The following DSCAML1 variants were observed in gnomAD, a reference collection of about 807,000 sequenced individuals.
DSCAML1 encodes the protein cell adhesion molecule DSCAML1.
A neutral mutation model predicts 200.5 loss-of-function variants in DSCAML1; 38 were observed. The observed-to-expected ratio is 0.19, with a 90% CI of 0.15 to 0.25. The LOEUF (loss-of-function observed/expected upper bound fraction) is 0.25, where lower values mean the gene tolerates loss of function less well. Among genes scored for constraint, DSCAML1 ranks in the 10% least tolerant of loss-of-function variants. The pLI is 1.00. For missense variants in DSCAML1, 2,223 were observed against 2,858.8 expected, an observed-to-expected ratio of 0.78 and a Z score of 5.07; for synonymous variants, 1,215 against 1,165.0, an observed-to-expected ratio of 1.04 and a Z score of -0.87.
chr11:117,514,572 C>CTTT (rs532136039), intron 8 of DSCAML1, among the ~76,000 whole-genome samples: 2 of 98,292 alleles, frequency 2.0e-5, no homozygotes, highest in Admixed American at 1.2e-4. Context: ...TTTTCTTTTT[C>CTTT]TTTTTTTTTT....
Position 117,518,629 on chromosome 11 carries a change from C to T in DSCAML1, c.1347G>A (p.Val449=). The change falls in exon 7 of 33, where the codon GTG becomes GTA. Residue 449 remains valine, a synonymous_variant. Transcript: ENST00000651296. This position sits in a 1 kb window ranked among gnomAD's most constrained non-coding sequence, Gnocchi z 6.3. ...GGTTGGTGCGGTGGCTGCCATCCCG[C>T]ACGATGGGCTCATCGTCGAGGGCCC... ...VTWALDDEPI[V]RDGSHRTNQY... The T allele has an allele frequency of 1.9e-6, 3 of 1,613,516 alleles. No homozygotes were observed. Among genetic ancestry groups the T allele is most frequent in the Non-Finnish European group, 2.5e-6 (3 of 1,179,872 alleles).
At chr11:117,743,065 C>T (rs562059768) in intron 3 of DSCAML1, among the ~76,000 whole-genome samples, 4 of 151,608 alleles carry the variant, frequency 2.6e-5, no homozygotes, top group South Asian at 2.1e-4. Context: ...TCAGCAGGTA[C>T]AGAGAATCTG....
At chr11:117,471,560 G>A (rs937587053) in intron 15 of DSCAML1, among the ~76,000 whole-genome samples, 46 of 152,164 alleles carry the variant, frequency 3.0e-4, no homozygotes, top group Non-Finnish European at 5.9e-5. Flanking sequence ...TCTATGATGA[G>A]GGTCATAGAA....
At chr11:117,555,150 G>A (rs2050538354) in intron 3 of DSCAML1, among the ~76,000 whole-genome samples, 1 of 152,210 alleles carries the variant, frequency 6.6e-6, no homozygotes, top group African/African-American at 2.4e-5. Context: ...CTGGATGGGT[G>A]TGTTACCCCA....
At position 117,780,248 on chromosome 11, in the gene DSCAML1, G is replaced by GAA. The variant is rs750717030; in HGVS notation, c.364+243_364+244dup. Among the ~76,000 whole-genome samples, 2,965 of 76,418 alleles carry GAA rather than the reference G, an allele frequency of 0.039. 227 individuals are homozygous for GAA. Among genetic ancestry groups the GAA allele is most frequent in the African/African-American group, 0.11 (2,685 of 23,464 alleles). The allele number at this position is 76,418 out of a possible 152,430, so 50.1% of individuals were successfully genotyped here. ...GAAAGAAAGGAAAGAAAGAAAGAAA[G>GAA]AAAGAAAGAAAGAAAGAAAGAAAGA... On this transcript the variant is annotated intron_variant, in intron 2 of 32. Coordinates refer to ENST00000651296, the MANE Select transcript of DSCAML1 (RefSeq NM_020693.4). This position sits in a 1 kb window ranked among gnomAD's most constrained non-coding sequence, Gnocchi z 4.8.
At chr11:117,797,814 T>C (rs1332354094), upstream of DSCAML1, among the ~76,000 whole-genome samples, 1 of 151,720 alleles carries the variant, frequency 6.6e-6, no homozygotes, top group Non-Finnish European at 1.5e-5. Context: ...ATTTAAACGG[T>C]TATTCACAAT....
At chr11:117,679,019 A>T (rs1037385507) in intron 3 of DSCAML1, among the ~76,000 whole-genome samples, 3 of 152,188 alleles carry the variant, frequency 2.0e-5, no homozygotes, top group Non-Finnish European at 4.4e-5. Flanking sequence ...CATATGGGGG[A>T]GGGGCTCCTC....
chr11:117,476,707 T>C (rs903573949), intron 14 of DSCAML1, among the ~76,000 whole-genome samples: 22 of 152,176 alleles, frequency 1.4e-4, no homozygotes, highest in African/African-American at 4.8e-4. Flanking sequence ...TATTTATCAT[T>C]CGGCATTCAT....
chr11:117,542,252 C>T (rs1591242881), intron 3 of DSCAML1, among the ~76,000 whole-genome samples: 1 of 152,162 alleles, frequency 6.6e-6, no homozygotes. Flanking sequence ...GCCGAGATCG[C>T]ATGACTGCAT....
intron 3 of DSCAML1, among the ~76,000 whole-genome samples, chr11:117,731,590 C>T (rs1565899653): frequency 6.6e-6 from 1 of 152,156 alleles, no homozygotes; most frequent in African/African-American, 2.4e-5. Flanking sequence ...CCCCCTGGAT[C>T]CCCCCAGAAG....
intron 3 of DSCAML1, among the ~76,000 whole-genome samples, chr11:117,753,807 G>T (rs2054640625): frequency 6.6e-6 from 1 of 152,202 alleles, no homozygotes; most frequent in African/African-American, 2.4e-5. Flanking sequence ...TAGAAAGGAG[G>T]CCAGAGAGAT....
At chr11:117,704,670 T>C (rs1250735603) in intron 3 of DSCAML1, among the ~76,000 whole-genome samples, 1 of 152,114 alleles carries the variant, frequency 6.6e-6, no homozygotes, top group Non-Finnish European at 1.5e-5. Context: ...AATGAGAACA[T>C]ATGTTCTCTT....
intron 20 of DSCAML1, among the ~76,000 whole-genome samples, chr11:117,449,861 G>T (rs927019724): frequency 2.0e-5 from 3 of 152,112 alleles, no homozygotes; most frequent in African/African-American, 7.2e-5. Flanking sequence ...ACATATGATG[G>T]GATATAGGTG....
chr11:117,814,609 G>C (rs1029752705), intron 1 of DSCAML1, among the ~76,000 whole-genome samples: 10 of 152,236 alleles, frequency 6.6e-5, no homozygotes, highest in South Asian at 2.1e-4. Flanking sequence ...GTGCCCAAAG[G>C]GGGGTGAGGC....
At chr11:117,550,460 G>A (rs761342042) in intron 3 of DSCAML1, among the ~76,000 whole-genome samples, 1 of 145,480 alleles carries the variant, frequency 6.9e-6, no homozygotes, top group Admixed American at 6.7e-5. Flanking sequence ...TGGCCTGAAA[G>A]CCCAGTGTCT....
intron 3 of DSCAML1, among the ~76,000 whole-genome samples, chr11:117,544,990 G>A (rs1435372314): frequency 1.3e-5 from 2 of 152,116 alleles, no homozygotes; most frequent in Non-Finnish European, 2.9e-5. Flanking sequence ...CCAGCACTTT[G>A]GGAGGCTGAG....
At position 117,780,875 on chromosome 11, in the gene DSCAML1, G is replaced by C; in HGVS notation, c.47-65C>G. On this transcript the variant is annotated intron_variant, in intron 1 of 32. Transcript: ENST00000651296. The surrounding 1 kb of genome is among the most constrained non-coding windows in gnomAD (Gnocchi z 4.8). ...CTCTAACAATACCCATATAAGCCACGGAGGCTTGCGACAGGCTGCACTCAT... is the reference window on the plus strand; with the variant it reads ...CTCTAACAATACCCATATAAGCCACCGAGGCTTGCGACAGGCTGCACTCAT... The C allele has an allele frequency of 7.7e-7, 1 of 1,305,874 alleles. No individual in the cohort carries two copies. Among genetic ancestry groups the C allele is most frequent in the Non-Finnish European group, 9.9e-7 (1 of 1,007,822 alleles). 80.9% of individuals were successfully genotyped at this position (1,305,874 alleles called of 1,614,324 possible).
chr11:117,434,508 A>G (rs1041301238), intron 27 of DSCAML1, among the ~76,000 whole-genome samples: 53 of 152,212 alleles, frequency 3.5e-4, no homozygotes, highest in Non-Finnish European at 1.2e-4. Context: ...CTATCAGAAT[A>G]GTCATCCATC....
chr11:117,690,208 T>G (rs1295837391), intron 3 of DSCAML1, among the ~76,000 whole-genome samples: 1 of 152,278 alleles, frequency 6.6e-6, no homozygotes, highest in African/African-American at 2.4e-5. Flanking sequence ...TTCAACAGAT[T>G]CTACTGAGTA....
Sources: allele counts gnomAD v4.1 joint callset (sites outside exome capture counted in the v4.1 genomes callset), GRCh38; gene constraint gnomAD v4.1.1; non-coding constraint Gnocchi (gnomAD v3.1); transcripts MANE v1.5; gene names NCBI Gene and HGNC (gene_info 2026-07-23, HGNC 2026-07-21).